SNX29: variants seen among roughly 807,000 people sequenced by gnomAD.
SNX29 encodes sorting nexin 29.
In SNX29, 78 loss-of-function variants were observed where a neutral mutation model predicts 102.1. The ratio of observed to expected loss-of-function variants is 0.76; its 90% CI spans 0.64 to 0.92. The LOEUF (loss-of-function observed/expected upper bound fraction) is 0.92. SNX29 is among the 40% of genes least tolerant of loss of function. The pLI is 0.00. For missense variants in SNX29, 1,280 were observed against 1,061.7 expected (o/e 1.21, Z -2.86); for synonymous variants, 580 against 414.5 (o/e 1.40, Z -4.85).
At chr16:12,554,534 C>G (rs7191878) in intron 20 of SNX29, among the ~76,000 whole-genome samples, 16,468 of 152,254 alleles carry the variant, frequency 0.11, 1,100 homozygotes, top group Non-Finnish European at 0.14. Flanking sequence ...ACATTCTCGC[C>G]CACGTTTTTG....
chr16:12,391,006 C>T (rs913223202), intron 16 of SNX29, among the ~76,000 whole-genome samples: 1 of 152,030 alleles, frequency 6.6e-6, no homozygotes, highest in African/African-American at 2.4e-5. Flanking sequence ...GGTGCAGTGG[C>T]GCAATCAGGT....
chr16:12,233,350 T>C (rs2077827581), intron 14 of SNX29, among the ~76,000 whole-genome samples: 1 of 152,178 alleles, frequency 6.6e-6, no homozygotes, highest in Admixed American at 6.5e-5. Flanking sequence ...GAAAACCAGA[T>C]ATTGCATGTT....
chr16:12,241,204 G>T lies in SNX29; in HGVS notation c.1679-36729G>T, dbSNP rs76765222. Among the ~76,000 whole-genome samples the T allele has an allele frequency of 5.6e-3, 850 of 152,296 alleles. 6 individuals are homozygous for T. Among genetic ancestry groups the T allele is most frequent in the Middle Eastern group, 0.017 (5 of 294 alleles). On this transcript the variant is annotated intron_variant, in intron 14 of 20. Coordinates refer to ENST00000566228, the MANE Select transcript of SNX29 (RefSeq NM_032167.5). ...GCTGCCTAGGTTGCTTTTAAGAGGAGTAATGAGTATTGAGTAAAATTCTTG... is the reference window on the plus strand; with the variant it reads ...GCTGCCTAGGTTGCTTTTAAGAGGATTAATGAGTATTGAGTAAAATTCTTG...
intron 18 of SNX29, among the ~76,000 whole-genome samples, chr16:12,468,999 A>T (rs960936033): frequency 1.3e-5 from 2 of 152,188 alleles, no homozygotes; most frequent in Admixed American, 6.5e-5. Context: ...TAATCTGTGC[A>T]CCTCAGTTCT....
intron 20 of SNX29, among the ~76,000 whole-genome samples, chr16:12,544,184 C>G (rs1397283420): frequency 1.3e-5 from 2 of 152,182 alleles, no homozygotes; most frequent in Non-Finnish European, 2.9e-5. Flanking sequence ...CGGTGGTGTG[C>G]ACATCAGCCA....
intron 10 of SNX29, among the ~76,000 whole-genome samples, chr16:12,072,402 C>G (rs1030352717): frequency 8.5e-5 from 13 of 152,132 alleles, no homozygotes; most frequent in African/African-American, 3.1e-4. Context: ...TGTCAAAGGC[C>G]TTTTCTGCAT....
intron 19 of SNX29, among the ~76,000 whole-genome samples, chr16:12,487,692 C>T (rs988109717): frequency 2.0e-5 from 3 of 152,076 alleles, no homozygotes; most frequent in East Asian, 1.9e-4. Context: ...TGGTGGGACT[C>T]CCCCCACCTG....
At chr16:12,102,452 C>T (rs549036191) in intron 11 of SNX29, among the ~76,000 whole-genome samples, 11 of 152,254 alleles carry the variant, frequency 7.2e-5, no homozygotes, top group South Asian at 2.1e-4. Context: ...TTTTAATGAT[C>T]GCCATTCTAA....
chr16:12,330,498 G>GACGCAA (rs2081263273), intron 15 of SNX29, among the ~76,000 whole-genome samples: 1 of 152,214 alleles, frequency 6.6e-6, no homozygotes, highest in Non-Finnish European at 1.5e-5. Flanking sequence ...ATGCATCTGT[G>GACGCAA]AGCCACGCTT....
intron 12 of SNX29, 50 bp from the exon 13 acceptor site, chr16:12,129,580 G>C (rs781137010): frequency 2.6e-6 from 4 of 1,560,542 alleles, no homozygotes; most frequent in Non-Finnish European, 3.5e-6. Context: ...CCTGGGCTCA[G>C]TGGGGTCTGG....
intron 13 of SNX29, among the ~76,000 whole-genome samples, chr16:12,172,442 GA>G (rs1199005104): frequency 6.6e-6 from 1 of 152,160 alleles, no homozygotes; most frequent in African/African-American, 2.4e-5. Context: ...CTGGATGGAG[GA>G]AAAGCTTGGG....
chr16:12,324,404 T>C (rs1314259157), intron 15 of SNX29, among the ~76,000 whole-genome samples: 1 of 151,922 alleles, frequency 6.6e-6, no homozygotes, highest in East Asian at 1.9e-4. Context: ...CCTGTGGAAA[T>C]GCTCTTGGCA....
At chr16:12,346,814 A>G (rs1296965429) in intron 15 of SNX29, among the ~76,000 whole-genome samples, 1 of 152,126 alleles carries the variant, frequency 6.6e-6, no homozygotes, top group Non-Finnish European at 1.5e-5. Context: ...TGTAGGGGCC[A>G]GGAGAGCATC....
At chr16:12,563,702 G>T (rs946983840) in intron 20 of SNX29, among the ~76,000 whole-genome samples, 1 of 152,170 alleles carries the variant, frequency 6.6e-6, no homozygotes, top group Non-Finnish European at 1.5e-5. Flanking sequence ...TCATGTAAGA[G>T]GAACATGAGG....
chr16:12,404,654 T>C (rs1178702195), intron 18 of SNX29, among the ~76,000 whole-genome samples: 1 of 152,230 alleles, frequency 6.6e-6, no homozygotes, highest in Non-Finnish European at 1.5e-5. Flanking sequence ...TTAAGATATT[T>C]TTCCCCAAAG....
chr16:12,096,431 A>G lies in SNX29; in HGVS notation c.1402+17516A>G, dbSNP rs2052770488. Among the ~76,000 whole-genome samples, 1 of 152,240 alleles carries G rather than the reference A, an allele frequency of 6.6e-6. No homozygotes were observed. Among genetic ancestry groups the G allele is most frequent in the African/African-American group, 2.4e-5 (1 of 41,460 alleles). ...ATGCACAAGCTCTGTGTCACATGTT[A>G]AAATTTCCCCATCATTATAATGCAG... On this transcript the variant is annotated intron_variant, in intron 11 of 20. Coordinates refer to ENST00000566228, the MANE Select transcript of SNX29 (RefSeq NM_032167.5). The surrounding 1 kb of genome is among the most constrained non-coding windows in gnomAD (Gnocchi z 4.2).
At chr16:12,059,023 C>T (rs1425665868) in intron 8 of SNX29, among the ~76,000 whole-genome samples, 1 of 151,988 alleles carries the variant, frequency 6.6e-6, no homozygotes, top group Non-Finnish European at 1.5e-5. Context: ...TCTGCCTCGG[C>T]CTCCCAAAGT....
At chr16:12,546,749 G>C (rs2077630258) in intron 20 of SNX29, 1 of 148,416 alleles carries the variant, frequency 6.7e-6, no homozygotes, top group African/African-American at 2.5e-5. Flanking sequence ...GAGAAAATTA[G>C]ACATTTAAAC....
intron 19 of SNX29, among the ~76,000 whole-genome samples, chr16:12,516,759 C>T (rs1345987909): frequency 6.6e-6 from 1 of 152,160 alleles, no homozygotes; most frequent in East Asian, 1.9e-4. Flanking sequence ...ACGTAGCTGA[C>T]ACGAGGTGCG....
Sources: gnomAD v4.1 joint callset for allele counts (sites outside exome capture counted in the v4.1 genomes callset) on GRCh38, gnomAD v4.1.1 for gene constraint, Gnocchi (gnomAD v3.1) non-coding constraint, MANE v1.5 for transcripts, NCBI Gene and HGNC (gene_info 2026-07-23, HGNC 2026-07-21) for gene names.